FRMD7: variants seen among roughly 807,000 people sequenced by gnomAD.
The protein encoded by FRMD7 is FERM domain containing 7, also known as FERM domain-containing protein 7.
Under a neutral mutation model 44.1 loss-of-function variants are expected in FRMD7, and 14 were observed. The observed-to-expected ratio is 0.32, with a 90% CI of 0.21 to 0.50. The LOEUF (loss-of-function observed/expected upper bound fraction) is 0.50, where lower values mean the gene tolerates loss of function less well. Ranked by LOEUF, FRMD7 falls within the 20% of genes least tolerant of loss-of-function variation. The pLI is 0.99. For synonymous variants in FRMD7, 212 were observed against 187.4 expected (o/e 1.13, Z -1.07); for missense variants, 501 against 522.3 (o/e 0.96, Z 0.40).
Position 132,109,362 on chromosome X carries a change from T to C in FRMD7, c.58-8646A>G, listed in dbSNP as rs765211282. Among the ~76,000 whole-genome samples, 4 of 112,176 alleles carry C rather than the reference T, an allele frequency of 3.6e-5. No homozygotes were observed. In the South Asian group the frequency reaches 1.5e-3, roughly 42 times the overall value. On this transcript the variant is annotated intron_variant, in intron 1 of 11. Coordinates refer to ENST00000298542, the MANE Select transcript of FRMD7 (RefSeq NM_194277.3). The stretch of plus-strand genomic sequence containing the variant: ...AGTATGCTTTTTACTCTATTGTTTA[T>C]TGTATTTTTCGAGCTCTTTTGTTTT...
chrX:132,077,802 A>G lies in FRMD7; in HGVS notation c.*70T>C. ...TGTAGTAACCAAGAAAATGGTTTCT[A>G]CAACTTCATTATTTTCTGCCTAAGT... On this transcript the variant is annotated 3_prime_UTR_variant, in exon 12 of 12. Coordinates refer to ENST00000298542, the MANE Select transcript of FRMD7 (RefSeq NM_194277.3). 8.3e-7 allele frequency: 1 copy of G among 1,202,013 alleles called. No homozygotes were observed. Among genetic ancestry groups the G allele is most frequent in the Non-Finnish European group, 1.1e-6 (1 of 889,957 alleles).
chrX:132,095,058 TTTTATTTATTTATTTATTTATTTA>T (rs10554395), intron 4 of FRMD7, among the ~76,000 whole-genome samples: 9 of 91,308 alleles, frequency 9.9e-5, no homozygotes, highest in Admixed American at 1.3e-4. Context: ...GGTTCCAATA[TTTTATTTATTTATTTATTTATTTA>T]TTTATTTATT....
chrX:132,104,625 G>A (rs995396749), intron 1 of FRMD7, among the ~76,000 whole-genome samples: 70 of 111,506 alleles, frequency 6.3e-4, no homozygotes, highest in African/African-American at 1.8e-3. Flanking sequence ...CCCGGGAGGC[G>A]GAGCTTGCAG....
Position 132,080,359 on chromosome X carries a change from A to G in FRMD7, c.906-93T>C, listed in dbSNP as rs1013422982. Reference sequence around the variant, plus strand: ...CCTCGTTTATTGTTGAAATCAAAAGACTAGATGAATGACATATGTCATGAA... The same window carrying G: ...CCTCGTTTATTGTTGAAATCAAAAGGCTAGATGAATGACATATGTCATGAA... On this transcript the variant is annotated intron_variant, in intron 9 of 11. Coordinates refer to ENST00000298542, the MANE Select transcript of FRMD7 (RefSeq NM_194277.3). 1.2e-5 allele frequency: 7 copies of G among 585,125 alleles called. No individual in the cohort carries two copies. The Admixed American group carries it at 1.7e-4, about 14-fold the overall frequency. 48.2% of individuals were successfully genotyped at this position (585,125 alleles called of 1,213,427 possible).
At chrX:132,097,921 G>GA (rs1928389228) in intron 3 of FRMD7, among the ~76,000 whole-genome samples, 1 of 112,673 alleles carries the variant, frequency 8.9e-6, no homozygotes, top group Non-Finnish European at 1.9e-5. Flanking sequence ...GTAAATATTT[G>GA]TTGGTGCCCA....
intron 1 of FRMD7, among the ~76,000 whole-genome samples, chrX:132,117,617 G>T (rs1049683104): frequency 9.0e-6 from 1 of 111,523 alleles, no homozygotes. Context: ...AAAGCAAGAA[G>T]AAATAAGGTA....
intron 5 of FRMD7, among the ~76,000 whole-genome samples, chrX:132,091,054 C>T (rs960350055): frequency 1.8e-5 from 2 of 111,743 alleles, no homozygotes; most frequent in Non-Finnish European, 3.8e-5. Context: ...GTTTTCACCA[C>T]AGCAGCCAAA....
At chrX:132,095,050 T>C (rs1928286519) in intron 4 of FRMD7, among the ~76,000 whole-genome samples, 2 of 105,122 alleles carry the variant, frequency 1.9e-5, no homozygotes, top group Admixed American at 2.2e-4. Flanking sequence ...CCAAGATTGG[T>C]TCCAATATTT....
chrX:132,115,165 C>T (rs938151383), intron 1 of FRMD7, among the ~76,000 whole-genome samples: 2 of 112,302 alleles, frequency 1.8e-5, no homozygotes, highest in African/African-American at 6.5e-5. Flanking sequence ...TGTAGTCATC[C>T]CAGTCCTAAG....
At chrX:132,114,344 T>A (rs979120177) in intron 1 of FRMD7, among the ~76,000 whole-genome samples, 4 of 111,818 alleles carry the variant, frequency 3.6e-5, no homozygotes, top group Non-Finnish European at 7.5e-5. Context: ...AAAACCTTTT[T>A]AAATATATTC....
In FRMD7 at chrX:132,085,837, G is replaced by A. The variant is rs145814996; in HGVS notation, c.497+83C>T. On this transcript the variant is annotated intron_variant, in intron 6 of 11. Coordinates refer to ENST00000298542, the MANE Select transcript of FRMD7 (RefSeq NM_194277.3). ...TTTCATGGAGCCTGAAACTTCTCAG[G>A]TTTAAGGGCTTGCTCTTAAGAGTCT... is the stretch of plus-strand genomic sequence containing the variant. The A allele has an allele frequency of 1.5e-3, 1,595 of 1,031,323 alleles. 1 individual carries two copies. The highest frequency in any genetic ancestry group is 2.0e-3 in the Non-Finnish European group (1,455 of 732,364). 85.0% of individuals were successfully genotyped at this position (1,031,323 alleles called of 1,213,427 possible).
At chrX:132,119,783 C>T (rs1292086634) in intron 1 of FRMD7, among the ~76,000 whole-genome samples, 1 of 111,475 alleles carries the variant, frequency 9.0e-6, no homozygotes, top group Non-Finnish European at 1.9e-5. Flanking sequence ...TTTCATTCTT[C>T]CTGAGCTTTG....
intron 5 of FRMD7, among the ~76,000 whole-genome samples, chrX:132,090,992 G>A (rs1747357252): frequency 1.8e-5 from 2 of 110,986 alleles, no homozygotes; most frequent in Non-Finnish European, 3.8e-5. Context: ...TCTCTCTCCT[G>A]TAATATCCTT....
At chrX:132,107,630 A>AGAGAGAGAGAGAGAGAGAGAGAGG (rs1360461115) in intron 1 of FRMD7, among the ~76,000 whole-genome samples, 4 of 109,327 alleles carry the variant, frequency 3.7e-5, no homozygotes, top group African/African-American at 1.3e-4. Flanking sequence ...AGAGAGAGAG[A>AGAGAGAGAGAGAGAGAGAGAGAGG]GAGGGAGGGA....
intron 1 of FRMD7, among the ~76,000 whole-genome samples, chrX:132,127,036 T>C (rs1371566384): frequency 8.9e-6 from 1 of 112,664 alleles, no homozygotes; most frequent in Non-Finnish European, 1.9e-5. Context: ...TGTTAGTGGC[T>C]AATGTAAATA....
chrX:132,085,464 T>A, intron 7 of FRMD7, 117 bp downstream of exon 7: 1 of 619,961 alleles, frequency 1.6e-6, no homozygotes, highest in Non-Finnish European at 2.6e-6. Context: ...ACCATTTCCC[T>A]TTCTGGCTGG....
chrX:132,078,983 C>T lies in FRMD7; in HGVS notation c.1051-17G>A, dbSNP rs1301190377. The T allele has an allele frequency of 2.5e-6, 3 of 1,199,183 alleles. No homozygotes were observed. The highest frequency in any genetic ancestry group is 2.3e-6 in the Non-Finnish European group (2 of 885,099). On this transcript the variant is annotated splice_polypyrimidine_tract_variant and intron_variant, in intron 11 of 11. Coordinates refer to ENST00000298542, the MANE Select transcript of FRMD7 (RefSeq NM_194277.3). ...ATCTTCCACCTTGAGAGAATGGACA[C>T]ATTGGTGAAAGAAGGAAAAGGCCAT...
chrX:132,105,323 T>C (rs1928617585), intron 1 of FRMD7, among the ~76,000 whole-genome samples: 1 of 111,864 alleles, frequency 8.9e-6, no homozygotes, highest in Non-Finnish European at 1.9e-5. Context: ...ATGTATATGA[T>C]TTGTTATTAG....
At chrX:132,086,142 T>C in intron 5 of FRMD7, 108 bp from the exon 6 acceptor site, 1 of 555,221 alleles carries the variant, frequency 1.8e-6, no homozygotes, top group South Asian at 2.3e-5. Flanking sequence ...TTGTAGCCAA[T>C]GCAGTCCAAA....
Sources: allele counts gnomAD v4.1 joint callset (sites outside exome capture counted in the v4.1 genomes callset), GRCh38; gene constraint gnomAD v4.1.1; transcripts MANE v1.5; gene names NCBI Gene and HGNC (gene_info 2026-07-23, HGNC 2026-07-21).